BMP2K: variants seen among roughly 807,000 people sequenced by gnomAD.
The protein encoded by BMP2K is BMP2 inducible kinase, also known as BMP-2-inducible protein kinase.
BMP2K carries 74 observed loss-of-function variants against 116.0 expected under a neutral mutation model. That is an observed-to-expected ratio of 0.64 (90% CI 0.53 to 0.77). The LOEUF (loss-of-function observed/expected upper bound fraction) is 0.77. Ranked by LOEUF, BMP2K falls within the 30% of genes least tolerant of loss-of-function variation. The pLI is 0.00. For synonymous variants in BMP2K, 486 were observed against 502.5 expected, an observed-to-expected ratio of 0.97 and a Z score of 0.44; for missense variants, 1,365 against 1,403.6, an observed-to-expected ratio of 0.97 and a Z score of 0.44.
intron 1 of BMP2K, among the ~76,000 whole-genome samples, chr4:78,817,856 A>C (rs776644987): frequency 6.6e-6 from 1 of 152,196 alleles, no homozygotes; most frequent in South Asian, 2.1e-4. Context: ...ACCTCTTAGC[A>C]TAATAAAGAA....
intron 14 of BMP2K, chr4:78,879,646 T>TGTGC (rs939310522): frequency 6.4e-6 from 1 of 155,108 alleles, no homozygotes; most frequent in African/African-American, 2.4e-5. Context: ...TGTGTGTGTG[T>TGTGC]GCACGCGCAT....
At position 78,913,260 on chromosome 4, in the gene BMP2K, C is replaced by T. The variant is rs1413163734; in HGVS notation, c.*1227C>T. On this transcript the variant is annotated 3_prime_UTR_variant, in exon 16 of 16. Transcript: ENST00000502613. Reference sequence around the variant, plus strand: ...CACTAATATACCAGATCCTAAAATGCATATAAGGTGGACTAGCATCTTAAT... The same window carrying T: ...CACTAATATACCAGATCCTAAAATGTATATAAGGTGGACTAGCATCTTAAT... 1 of 152,084 alleles carries T rather than the reference C, an allele frequency of 6.6e-6. No individual in the cohort carries two copies. The highest frequency in any genetic ancestry group is 2.4e-5 in the African/African-American group (1 of 41,418). 9.4% of individuals were successfully genotyped at this position (152,084 alleles called of 1,614,324 possible).
At chr4:78,862,048 A>C (rs983812683) in intron 9 of BMP2K, among the ~76,000 whole-genome samples, 1 of 151,924 alleles carries the variant, frequency 6.6e-6, no homozygotes, top group Non-Finnish European at 1.5e-5. Flanking sequence ...TTTTGAATTT[A>C]AAAGTTAATA....
rs74899972 is a variant in BMP2K, at chr4:78,820,977, T to C, written c.179-5060T>C. ...CTCTGTTGAAGCTTTAACTTTTGAT[T>C]TCTTTATTCTATTTTGTAAAAGTAA... is the stretch of plus-strand genomic sequence containing the variant. On this transcript the variant is annotated intron_variant, in intron 1 of 15. Coordinates refer to ENST00000502613, the MANE Select transcript of BMP2K (RefSeq NM_198892.2). Among the ~76,000 whole-genome samples, 847 of 152,342 alleles carry C rather than the reference T, an allele frequency of 5.6e-3. 11 individuals are homozygous for C. Among genetic ancestry groups the C allele is most frequent in the African/African-American group, 0.019 (802 of 41,580 alleles).
At chr4:78,873,200 A>ATAATT (rs1397109553) in intron 13 of BMP2K, among the ~76,000 whole-genome samples, 2 of 152,220 alleles carry the variant, frequency 1.3e-5, no homozygotes, top group African/African-American at 4.8e-5. Context: ...TAAAGGTTGT[A>ATAATT]TAATTTAATT....
chr4:78,853,665 A>C (rs1731366692), intron 7 of BMP2K, among the ~76,000 whole-genome samples: 1 of 152,200 alleles, frequency 6.6e-6, no homozygotes, highest in Non-Finnish European at 1.5e-5. Flanking sequence ...TCTAGAGCCA[A>C]ACAGCCTTGG....
At position 78,859,651 on chromosome 4, in the gene BMP2K, A is replaced by G. The variant is rs1560532429; in HGVS notation, c.951A>G (p.Lys317=). 2.5e-6 allele frequency: 4 copies of G among 1,610,460 alleles called. No homozygotes were observed. The East Asian group carries it at 6.7e-5, about 27-fold the overall frequency. Residue 317 remains lysine (K), a synonymous_variant, in exon 8 of 16, where the codon AAA becomes AAG. Transcript: ENST00000502613. ...TTCAAGTGTCATATTTTGCATTTAA[A>G]TTTGCCAAAAAGGATTGTCCAGTCT... ...DIFQVSYFAF[K]FAKKDCPVSN... is the part of the protein sequence containing the mutation.
At chr4:78,807,274 G>T (rs1728865602) in intron 1 of BMP2K, among the ~76,000 whole-genome samples, 1 of 152,090 alleles carries the variant, frequency 6.6e-6, no homozygotes, top group Non-Finnish European at 1.5e-5. Context: ...AACCAACCTT[G>T]CATTCCTGGG....
At chr4:78,810,691 A>G (rs1729047136) in intron 1 of BMP2K, among the ~76,000 whole-genome samples, 1 of 152,198 alleles carries the variant, frequency 6.6e-6, no homozygotes, top group African/African-American at 2.4e-5. Flanking sequence ...TAGTTTTCAC[A>G]GCTACTGTGG....
chr4:78,850,447 G>A (rs1203273228), intron 6 of BMP2K, among the ~76,000 whole-genome samples: 2 of 151,840 alleles, frequency 1.3e-5, no homozygotes, highest in Non-Finnish European at 2.9e-5. Context: ...AAATAATGAG[G>A]TGTACCTGGT....
At chr4:78,870,123 T>G (rs2110057516) in intron 10 of BMP2K, among the ~76,000 whole-genome samples, 1 of 152,358 alleles carries the variant, frequency 6.6e-6, no homozygotes, top group East Asian at 1.9e-4. Context: ...TCATAGGATT[T>G]GCCTAGGGTA....
rs1734113727 is a variant in BMP2K at position 78,903,330 on chromosome 4, C to T, written c.2063-7280C>T. Among the ~76,000 whole-genome samples, 3 of 152,000 alleles carry T rather than the reference C, an allele frequency of 2.0e-5. No homozygotes were observed. In the Middle Eastern group the frequency reaches 0.01, roughly 517 times the overall value. On this transcript the variant is annotated intron_variant, in intron 15 of 15. Coordinates refer to ENST00000502613, the MANE Select transcript of BMP2K (RefSeq NM_198892.2). ...TCACTAGAGTCAGATTAGCATGTTT[C>T]TGAATGCATAAATGTACATAATTAT... is the stretch of plus-strand genomic sequence containing the variant.
intron 4 of BMP2K, among the ~76,000 whole-genome samples, chr4:78,843,985 AAG>A (rs1394926707): frequency 1.3e-5 from 2 of 151,884 alleles, no homozygotes. Context: ...ATTTTTAAAA[AAG>A]TATACTAAAG....
intron 1 of BMP2K, among the ~76,000 whole-genome samples, chr4:78,785,742 G>C (rs893969898): frequency 6.6e-6 from 1 of 152,080 alleles, no homozygotes; most frequent in East Asian, 1.9e-4. Context: ...TGGGAAATTG[G>C]GTACCTTTTG....
At chr4:78,793,002 G>T (rs759249246) in intron 1 of BMP2K, among the ~76,000 whole-genome samples, 1 of 152,140 alleles carries the variant, frequency 6.6e-6, no homozygotes, top group Non-Finnish European at 1.5e-5. Context: ...GTCAAAGTAG[G>T]TGTGAGAATC....
Position 78,872,032 on chromosome 4 carries a change from T to C in BMP2K, c.1608+84T>C, listed in dbSNP as rs1577946319. The C allele has an allele frequency of 5.0e-6, 5 of 999,814 alleles. No individual in the cohort carries two copies. In the East Asian group the frequency reaches 1.0e-4, roughly 21 times the overall value. 61.9% of individuals were successfully genotyped at this position (999,814 alleles called of 1,614,324 possible). A position where few individuals can be genotyped will look rare whatever the true frequency, so the allele number is the denominator to read the frequency against. ...AGTATGAATCATATTATTCAGAATT[T>C]AGTAATTCAAAATCAAGTAAGTTAA... On this transcript the variant is annotated intron_variant, in intron 12 of 15. Transcript: ENST00000502613.
At chr4:78,808,509 G>T (rs1004293578) in intron 1 of BMP2K, among the ~76,000 whole-genome samples, 1 of 151,842 alleles carries the variant, frequency 6.6e-6, no homozygotes, top group South Asian at 2.1e-4. Flanking sequence ...CTTGTGATCC[G>T]TCCGCCTCAG....
In BMP2K at chr4:78,826,082, G is replaced by A. The variant is rs1351177461; in HGVS notation, c.224G>A (p.Arg75Gln). Reference sequence around the variant, plus strand: ...CTCGTGCGTACTCACGGTGGAATCCGATGTGCATTGAAGCGAATGTATGTC... The same window carrying A: ...CTCGTGCGTACTCACGGTGGAATCCAATGTGCATTGAAGCGAATGTATGTC... The part of the protein sequence containing the change: ...VFLVRTHGGI[R>Q]CALKRMYVNN... Residue 75 changes from arginine (R) to glutamine (Q), a missense_variant, in exon 2 of 16, where the codon CGA becomes CAA. By Grantham distance (43) the Arg-to-Gln change is conservative. Around this residue, in one of 3 missense-constraint regions of BMP2K, gnomAD observed 762 missense variants for 756.7 expected, o/e 1.01. Coordinates refer to ENST00000502613, the MANE Select transcript of BMP2K (RefSeq NM_198892.2). 9.9e-6 allele frequency: 16 copies of A among 1,614,166 alleles called. No homozygotes were observed. Among genetic ancestry groups the A allele is most frequent in the Non-Finnish European group, 1.4e-5 (16 of 1,180,000 alleles).
At chr4:78,843,164 C>T (rs924596575) in intron 4 of BMP2K, among the ~76,000 whole-genome samples, 1 of 151,852 alleles carries the variant, frequency 6.6e-6, no homozygotes, top group Non-Finnish European at 1.5e-5. Context: ...CTTTCATGCC[C>T]AGAAGAACAC....
Sources: gnomAD v4.1 joint callset for allele counts (sites outside exome capture counted in the v4.1 genomes callset) on GRCh38, gnomAD v4.1.1 for gene constraint, gnomAD v4.1.1 regional missense constraint, MANE v1.5 for transcripts, NCBI Gene and HGNC (gene_info 2026-07-23, HGNC 2026-07-21) for gene names.